GRM3: variants seen among roughly 807,000 people sequenced by gnomAD.
GRM3 encodes glutamate metabotropic receptor 3.
Under a neutral mutation model 70.5 loss-of-function variants are expected in GRM3, and 26 were observed. That is an observed-to-expected ratio of 0.37 (90% CI 0.27 to 0.51). The LOEUF is 0.51. Among genes scored for constraint, GRM3 ranks in the 20% least tolerant of loss-of-function variants. The pLI is 0.93. For missense variants in GRM3, 859 were observed against 1,123.8 expected, an observed-to-expected ratio of 0.76 and a Z score of 3.37; for synonymous variants, 443 against 434.9, an observed-to-expected ratio of 1.02 and a Z score of -0.23.
Position 86,644,382 on chromosome 7 carries a change from A to G in GRM3, c.-631A>G, listed in dbSNP as rs371044911. ...TGCCAGGAGGTCCGTGCTTCTGCCA[A>G]GAGTCCCAATTAGATGCGACGGCTT... On this transcript the variant is annotated 5_prime_UTR_variant, in exon 1 of 6. Transcript: ENST00000361669. 1.1e-4 allele frequency: 32 copies of G among 304,262 alleles called. No homozygotes were observed. The East Asian group carries it at 2.1e-3, about 20-fold the overall frequency. 18.8% of individuals were successfully genotyped at this position (304,262 alleles called of 1,614,324 possible).
At chr7:86,824,802 A>ATG (rs199854314) in intron 3 of GRM3, among the ~76,000 whole-genome samples, 18 of 151,734 alleles carry the variant, frequency 1.2e-4, no homozygotes, top group African/African-American at 3.9e-4. Context: ...TTATATATAT[A>ATG]TGTGTGTGTG....
chr7:86,731,788 T>C (rs879403239), intron 1 of GRM3, among the ~76,000 whole-genome samples: 3 of 152,202 alleles, frequency 2.0e-5, no homozygotes, highest in Non-Finnish European at 4.4e-5. Flanking sequence ...CATAATGGTA[T>C]TCAAGTAACT....
chr7:86,656,937 CAG>C (rs1793761820), intron 1 of GRM3, among the ~76,000 whole-genome samples: 1 of 152,072 alleles, frequency 6.6e-6, no homozygotes, highest in African/African-American at 2.4e-5. Context: ...TCGTTTTTAG[CAG>C]AGTCTATAAT....
chr7:86,722,085 A>G (rs1327320178), intron 1 of GRM3, among the ~76,000 whole-genome samples: 3 of 152,138 alleles, frequency 2.0e-5, no homozygotes, highest in Admixed American at 2.0e-4. Flanking sequence ...ACAATTCTCA[A>G]TATTACTCAG....
intron 1 of GRM3, among the ~76,000 whole-genome samples, chr7:86,744,602 A>G (rs1158850529): frequency 6.6e-6 from 1 of 151,964 alleles, no homozygotes; most frequent in Non-Finnish European, 1.5e-5. Context: ...TTTTGCTGCC[A>G]TATCTACAAT....
chr7:86,793,732 C>T (rs1797480781), intron 3 of GRM3, among the ~76,000 whole-genome samples: 1 of 152,112 alleles, frequency 6.6e-6, no homozygotes, highest in South Asian at 2.1e-4. Flanking sequence ...AGAACAGGAG[C>T]CTCTAGGAAA....
chr7:86,796,347 A>G (rs1797550151), intron 3 of GRM3, among the ~76,000 whole-genome samples: 1 of 152,096 alleles, frequency 6.6e-6, no homozygotes, highest in Non-Finnish European at 1.5e-5. Flanking sequence ...TGTTTTTGTC[A>G]GGTTTCTTAA....
intron 1 of GRM3, among the ~76,000 whole-genome samples, chr7:86,719,502 G>A (rs1795404327): frequency 6.6e-6 from 1 of 152,044 alleles, no homozygotes; most frequent in Non-Finnish European, 1.5e-5. Context: ...TGCTTTGATA[G>A]GCATTTATAC....
chr7:86,754,299 T>C (rs1259679808), intron 1 of GRM3, among the ~76,000 whole-genome samples: 1 of 152,140 alleles, frequency 6.6e-6, no homozygotes, highest in East Asian at 1.9e-4. Context: ...CTCTCTTTAA[T>C]GTTTTAACCC....
intron 3 of GRM3, among the ~76,000 whole-genome samples, chr7:86,792,911 A>G (rs1458554357): frequency 6.6e-6 from 1 of 152,014 alleles, no homozygotes; most frequent in Non-Finnish European, 1.5e-5. Context: ...ATTCCCTGTT[A>G]CTGATGGACT....
rs1019317405 is a variant in GRM3, at chr7:86,749,763, A to G, written c.-140-15243A>G. 3.3e-5 allele frequency among the ~76,000 whole-genome samples: 5 copies of G among 152,106 alleles called. No individual in the cohort carries two copies. The East Asian group carries it at 9.6e-4, about 29-fold the overall frequency. On this transcript the variant is annotated intron_variant, in intron 1 of 5. Coordinates refer to ENST00000361669, the MANE Select transcript of GRM3 (RefSeq NM_000840.3). ...TAGGAAAGAGAAGCACCAGATAGAC[A>G]AACAAGCTGCTGGAGGTGCCTAGAT...
chr7:86,698,961 TGCTATACTCCAGAG>T (rs1011595958), intron 1 of GRM3, among the ~76,000 whole-genome samples: 3 of 152,070 alleles, frequency 2.0e-5, no homozygotes, highest in African/African-American at 7.2e-5. Flanking sequence ...CACGTATTGA[TGCTATACTCCAGAG>T]GCTATACTCC....
At chr7:86,711,376 T>C (rs537823172) in intron 1 of GRM3, among the ~76,000 whole-genome samples, 54 of 152,166 alleles carry the variant, frequency 3.5e-4, no homozygotes, top group Non-Finnish European at 7.1e-4. Context: ...GGCCATATTT[T>C]CCTGAATTAT....
chr7:86,761,769 C>A (rs1040731668), intron 1 of GRM3, among the ~76,000 whole-genome samples: 2 of 152,112 alleles, frequency 1.3e-5, no homozygotes, highest in Non-Finnish European at 2.9e-5. Context: ...TGGTAACAGG[C>A]TCTATTAATC....
At chr7:86,777,643 G>T (rs1796929260) in intron 2 of GRM3, among the ~76,000 whole-genome samples, 1 of 152,120 alleles carries the variant, frequency 6.6e-6, no homozygotes, top group Non-Finnish European at 1.5e-5. Context: ...CATGCAAATT[G>T]TTCCCAGATG....
intron 3 of GRM3, among the ~76,000 whole-genome samples, chr7:86,791,004 C>T (rs1294902918): frequency 2.0e-5 from 3 of 152,134 alleles, no homozygotes; most frequent in Non-Finnish European, 4.4e-5. Flanking sequence ...GATCCTCACA[C>T]TAGAATATAA....
chr7:86,774,395 CAGG>C (rs1334719653), intron 2 of GRM3, among the ~76,000 whole-genome samples: 4 of 151,990 alleles, frequency 2.6e-5, no homozygotes, highest in Non-Finnish European at 5.9e-5. Context: ...AACGATCCTC[CAGG>C]AGGTTTATCA....
chr7:86,666,264 C>T (rs1794023278), intron 1 of GRM3, among the ~76,000 whole-genome samples: 2 of 151,960 alleles, frequency 1.3e-5, no homozygotes, highest in South Asian at 4.2e-4. Context: ...TCCCTTTTCT[C>T]AATATTAACT....
chr7:86,828,903 T>TA lies in GRM3; in HGVS notation c.1325-9934dup, dbSNP rs533269367. The stretch of plus-strand genomic sequence containing the variant: ...CAAATCCTGCCACTGCTTTATCAAC[T>TA]AAGTTTATGTAATATTCTAAATCCT... On this transcript the variant is annotated intron_variant, in intron 3 of 5. Coordinates refer to ENST00000361669, the MANE Select transcript of GRM3 (RefSeq NM_000840.3). 1.3e-3 allele frequency among the ~76,000 whole-genome samples: 194 copies of TA among 152,360 alleles called. No individual in the cohort carries two copies. In the Middle Eastern group the frequency reaches 0.014, roughly 11 times the overall value.
Sources: gnomAD v4.1 joint callset for allele counts (sites outside exome capture counted in the v4.1 genomes callset) on GRCh38, gnomAD v4.1.1 for gene constraint, MANE v1.5 for transcripts, NCBI Gene and HGNC (gene_info 2026-07-23, HGNC 2026-07-21) for gene names.